Variants in RALGAPA1 observed in about 807,000 individuals in gnomAD.
The protein encoded by RALGAPA1 is Ral GTPase activating protein catalytic subunit alpha 1.
A neutral mutation model predicts 269.6 loss-of-function variants in RALGAPA1; 52 were observed. The observed-to-expected ratio is 0.19, with a 90% confidence interval of 0.15 to 0.24. RALGAPA1 has a LOEUF of 0.24. Ranked by LOEUF, RALGAPA1 falls within the 10% of genes least tolerant of loss-of-function variation. The pLI, the probability that RALGAPA1 is intolerant of heterozygous loss-of-function variation, is 1.00. For missense variants in RALGAPA1, 1,917 were observed against 3,013.9 expected, an observed-to-expected ratio of 0.64 and a Z score of 8.52; for synonymous variants, 817 against 1,008.3, an observed-to-expected ratio of 0.81 and a Z score of 3.60.
intron 1 of RALGAPA1, among the ~76,000 whole-genome samples, chr14:35,805,441 CAAAAAA>C (rs36002869): frequency 1.0e-5 from 1 of 95,302 alleles, no homozygotes; most frequent in Non-Finnish European, 2.2e-5. Context: ...GACTCCGTGT[CAAAAAA>C]AAAAAAAAAA....
At chr14:35,699,724 A>G (rs1475799979) in intron 17 of RALGAPA1, among the ~76,000 whole-genome samples, 1 of 152,164 alleles carries the variant, frequency 6.6e-6, no homozygotes, top group African/African-American at 2.4e-5. Flanking sequence ...ATTACTATAG[A>G]TAATGCAGAA....
intron 19 of RALGAPA1, 43 bp downstream of exon 19, chr14:35,686,499 T>C: frequency 6.5e-7 from 1 of 1,535,992 alleles, no homozygotes; most frequent in Non-Finnish European, 8.8e-7. Context: ...TGTTAGTTTT[T>C]CTACCCTCCT....
intron 1 of RALGAPA1, among the ~76,000 whole-genome samples, chr14:35,792,885 A>G (rs1315825943): frequency 1.9e-4 from 27 of 145,418 alleles, no homozygotes; most frequent in African/African-American, 6.6e-4. Flanking sequence ...AAGAGGGGAA[A>G]AAAAAAAAAA....
At chr14:35,600,232 C>CTTTTTCTTTTT (rs2059205372) in intron 36 of RALGAPA1, among the ~76,000 whole-genome samples, 1 of 86,948 alleles carries the variant, frequency 1.2e-5, no homozygotes, top group African/African-American at 4.4e-5. Flanking sequence ...TTCTTTTTTT[C>CTTTTTCTTTTT]TTTTTTTTTT....
intron 30 of RALGAPA1, among the ~76,000 whole-genome samples, chr14:35,652,879 A>C (rs2062935983): frequency 6.6e-6 from 1 of 152,196 alleles, no homozygotes; most frequent in Non-Finnish European, 1.5e-5. Flanking sequence ...TTTTATGTGC[A>C]TGTTAAAAAT....
Position 35,659,139 on chromosome 14 carries a change from G to A in RALGAPA1, c.5386C>T (p.Arg1796Ter). ...TCAGTCTAAGAATATCCGACCTACC[G>A]TGCAGGACCAGAGGGCTCATCTCTT... is the stretch of plus-strand genomic sequence containing the variant. ...SARDEPSGPA[R>*]CVALCSLGIW... The change falls in exon 28 of 42, where the codon CGA (arginine) becomes TGA (stop). Residue 1796 changes from arginine (R) to a stop codon, truncating the protein, a stop_gained and splice_region_variant. Transcript: ENST00000680220. LOFTEE classifies it high-confidence loss of function. The A allele has an allele frequency of 1.2e-6, 2 of 1,605,546 alleles. No homozygotes were observed. The highest frequency in any genetic ancestry group is 2.2e-5 in the East Asian group (1 of 44,542).
intron 35 of RALGAPA1, among the ~76,000 whole-genome samples, chr14:35,619,411 C>G (rs969143789): frequency 5.9e-5 from 9 of 151,870 alleles, no homozygotes; most frequent in Admixed American, 5.9e-4. Flanking sequence ...GATCTAAAAT[C>G]GACACCCTAA....
At chr14:35,539,831 T>G (rs2053804611) in intron 41 of RALGAPA1, 141 bp from the exon 42 acceptor site, 1 of 1,242,448 alleles carries the variant, frequency 8.0e-7, no homozygotes. Context: ...CAAACTTGCT[T>G]GTTACAATAG....
chr14:35,631,529 C>G (rs1291194713), intron 33 of RALGAPA1, among the ~76,000 whole-genome samples: 2 of 152,032 alleles, frequency 1.3e-5, no homozygotes, highest in Non-Finnish European at 2.9e-5. Context: ...TTCACTCTCC[C>G]TTTTGAGTGA....
chr14:35,741,103 CCT>C (rs1027555952), intron 11 of RALGAPA1, among the ~76,000 whole-genome samples: 1 of 152,100 alleles, frequency 6.6e-6, no homozygotes, highest in Non-Finnish European at 1.5e-5. Flanking sequence ...TCTACCCTTT[CCT>C]CTCTCCTTTC....
intron 39 of RALGAPA1, among the ~76,000 whole-genome samples, chr14:35,561,654 G>A (rs961696731): frequency 1.3e-5 from 2 of 151,630 alleles, no homozygotes; most frequent in African/African-American, 2.4e-5. Flanking sequence ...GATTACAGGC[G>A]TGTGCCATCA....
chr14:35,788,999 A>T (rs1004955568), intron 1 of RALGAPA1, among the ~76,000 whole-genome samples: 3 of 152,166 alleles, frequency 2.0e-5, no homozygotes, highest in African/African-American at 7.2e-5. Context: ...TAAGTCTAGG[A>T]ATATGAACAT....
intron 21 of RALGAPA1, among the ~76,000 whole-genome samples, chr14:35,680,480 G>A (rs2065331436): frequency 6.6e-6 from 1 of 152,102 alleles, no homozygotes; most frequent in South Asian, 2.1e-4. Flanking sequence ...AAAGTACTGG[G>A]ATTACAGGCA....
intron 16 of RALGAPA1, among the ~76,000 whole-genome samples, chr14:35,717,936 T>C (rs1408825616): frequency 6.6e-6 from 1 of 152,156 alleles, no homozygotes; most frequent in Non-Finnish European, 1.5e-5. Flanking sequence ...TCTTCTTTCC[T>C]TACTCCTCCT....
At chr14:35,636,058 C>T (rs2061645932) in intron 31 of RALGAPA1, among the ~76,000 whole-genome samples, 1 of 151,356 alleles carries the variant, frequency 6.6e-6, no homozygotes, top group Non-Finnish European at 1.5e-5. Context: ...TAAATGAATC[C>T]ACTGAACACG....
rs56861116 is a variant in RALGAPA1, at chr14:35,748,833, C to CAAAA, written c.1012-13_1012-10dup. ...AAACTAGCAGCTGCTCTCTAAAATA[C>CAAAA]AAAAAAAAAAAAAAAAGAGAGAAAC... On this transcript the variant is annotated splice_polypyrimidine_tract_variant and intron_variant, in intron 9 of 41. Transcript: ENST00000680220. The CAAAA allele has an allele frequency of 3.2e-5, 41 of 1,300,676 alleles. No individual in the cohort carries two copies. The African/African-American group carries it at 5.7e-4, about 18-fold the overall frequency. The allele number at this position is 1,300,676 out of a possible 1,614,324, so 80.6% of individuals were successfully genotyped here. A position where few individuals can be genotyped will look rare whatever the true frequency, so the allele number is the denominator to read the frequency against.
chr14:35,713,727 G>A (rs1199308857), intron 16 of RALGAPA1, among the ~76,000 whole-genome samples: 1 of 152,102 alleles, frequency 6.6e-6, no homozygotes, highest in Non-Finnish European at 1.5e-5. Context: ...AGTCTCAGAA[G>A]GTCATGAAAT....
intron 1 of RALGAPA1, among the ~76,000 whole-genome samples, chr14:35,802,021 CA>C (rs1441630664): frequency 6.6e-6 from 1 of 152,146 alleles, no homozygotes; most frequent in African/African-American, 2.4e-5. Context: ...AAAAAACTAA[CA>C]GAACTGGCTG....
In RALGAPA1 at chr14:35,627,958, A is replaced by G. The variant is rs769810165; in HGVS notation, c.5996-7T>C. ...TGCTGCATTTGAGTTTTCACTGGAA[A>G]TAAAAAATATAAATGAATGGGAATA... On this transcript the variant is annotated splice_region_variant and splice_polypyrimidine_tract_variant and intron_variant, in intron 33 of 41. Coordinates refer to ENST00000680220, the MANE Select transcript of RALGAPA1 (RefSeq NM_001346249.2). The G allele has an allele frequency of 1.0e-5, 16 of 1,542,580 alleles. No homozygotes were observed. Among genetic ancestry groups the G allele is most frequent in the African/African-American group, 4.1e-5 (3 of 72,414 alleles).
Sources: allele counts gnomAD v4.1 joint callset (sites outside exome capture counted in the v4.1 genomes callset), GRCh38; gene constraint gnomAD v4.1.1; transcripts MANE v1.5; gene names NCBI Gene and HGNC (gene_info 2026-07-23, HGNC 2026-07-21).